Variants in TMCC1 observed in about 807,000 individuals in gnomAD.
TMCC1 encodes transmembrane and coiled-coil domains protein 1.
In TMCC1, 15 loss-of-function variants were observed where a neutral mutation model predicts 52.4. The ratio of observed to expected loss-of-function variants is 0.29; its 90% confidence interval spans 0.19 to 0.44. The LOEUF is 0.44. TMCC1 is among the 20% of genes least tolerant of loss of function. The pLI is 1.00. For synonymous variants in TMCC1, 279 were observed against 301.9 expected, an observed-to-expected ratio of 0.92 and a Z score of 0.79; for missense variants, 503 against 806.0, an observed-to-expected ratio of 0.62 and a Z score of 4.55.
chr3:129,882,923 TG>T (rs1414554017), intron 1 of TMCC1, among the ~76,000 whole-genome samples: 2 of 152,052 alleles, frequency 1.3e-5, no homozygotes, highest in Non-Finnish European at 2.9e-5. Flanking sequence ...AAAGGAGTAA[TG>T]GAGATGGATG....
chr3:129,829,734 T>C (rs1036869508), intron 3 of TMCC1, among the ~76,000 whole-genome samples: 7 of 152,196 alleles, frequency 4.6e-5, no homozygotes, highest in Admixed American at 3.9e-4. Context: ...TCTGGGAATA[T>C]GTGGACTTGC....
At chr3:129,704,468 G>C (rs2048069552) in intron 4 of TMCC1, among the ~76,000 whole-genome samples, 1 of 152,114 alleles carries the variant, frequency 6.6e-6, no homozygotes, top group Non-Finnish European at 1.5e-5. Flanking sequence ...GCCCAGGCTG[G>C]AGTGCAGTGG....
At chr3:129,653,812 T>C (rs572338936) in intron 6 of TMCC1, among the ~76,000 whole-genome samples, 1 of 152,304 alleles carries the variant, frequency 6.6e-6, no homozygotes, top group South Asian at 2.1e-4. Flanking sequence ...GACCTGATTG[T>C]ATATTCTGTA....
chr3:129,871,087 G>A (rs759677217), intron 2 of TMCC1, among the ~76,000 whole-genome samples: 3 of 151,944 alleles, frequency 2.0e-5, no homozygotes, highest in Non-Finnish European at 2.9e-5. Flanking sequence ...GCCTGGGCGC[G>A]GTGGCTCACA....
chr3:129,739,442 C>T (rs758230365), intron 4 of TMCC1, among the ~76,000 whole-genome samples: 2 of 152,158 alleles, frequency 1.3e-5, no homozygotes, highest in Non-Finnish European at 2.9e-5. Context: ...GCTGAGATTG[C>T]GTGAGCCACT....
At chr3:129,728,135 T>A (rs1206886843) in intron 4 of TMCC1, among the ~76,000 whole-genome samples, 3 of 152,214 alleles carry the variant, frequency 2.0e-5, no homozygotes, top group Non-Finnish European at 4.4e-5. Context: ...GCACACTATA[T>A]GGGACATTTA....
chr3:129,768,693 A>G (rs2054315934), intron 4 of TMCC1, among the ~76,000 whole-genome samples: 1 of 152,216 alleles, frequency 6.6e-6, no homozygotes, highest in African/African-American at 2.4e-5. Flanking sequence ...TAACACTGCT[A>G]TTTATTTAAT....
At position 129,760,454 on chromosome 3, in the gene TMCC1, C is replaced by CTGTGTGTGTGTGTGTG. The variant is rs61394124; in HGVS notation, c.576+67333_576+67348dup. On this transcript the variant is annotated intron_variant, in intron 4 of 6. Transcript: ENST00000393238. ...TGTGTGTTTTTGAGACAGTCTCGCT[C>CTGTGTGTGTGTGTGTG]TGTGTGTGTGTGTGTGTGTGTGTGT... Among the ~76,000 whole-genome samples the CTGTGTGTGTGTGTGTG allele has an allele frequency of 8.4e-4, 108 of 129,050 alleles. 1 individual carries two copies. The highest frequency in any genetic ancestry group is 1.4e-3 in the Non-Finnish European group (83 of 60,970). The allele number at this position is 129,050 out of a possible 152,430, so 84.7% of individuals were successfully genotyped here. A position where few individuals can be genotyped will look rare whatever the true frequency, so the allele number is the denominator to read the frequency against.
intron 4 of TMCC1, chr3:129,819,996 G>T (rs1233080309): frequency 6.6e-6 from 1 of 151,134 alleles, no homozygotes; most frequent in African/African-American, 2.4e-5. Flanking sequence ...GAAGGCTACG[G>T]ATTCATTTAA....
chr3:129,828,636 C>T lies in TMCC1; in HGVS notation c.-130-128G>A, dbSNP rs144004251. On this transcript the variant is annotated intron_variant, in intron 3 of 6. Transcript: ENST00000393238. The surrounding 1 kb of genome is among the most constrained non-coding windows in gnomAD (Gnocchi z 4.1). ...CAAACAAATAGGCACTATCATTAAG[C>T]AATCTTTAATCAGAAGATTAAAAGA... 369 of 386,176 alleles carry T rather than the reference C, an allele frequency of 9.6e-4. 2 individuals carry two copies. Among genetic ancestry groups the T allele is most frequent in the Admixed American group, 1.1e-3 (27 of 24,118 alleles). 23.9% of individuals were successfully genotyped at this position (386,176 alleles called of 1,614,324 possible).
chr3:129,833,495 C>T (rs555214508), intron 2 of TMCC1, among the ~76,000 whole-genome samples: 35 of 152,186 alleles, frequency 2.3e-4, no homozygotes, highest in African/African-American at 7.2e-4. Context: ...TCTTGAGCCC[C>T]GGAGCTGGAG....
intron 4 of TMCC1, among the ~76,000 whole-genome samples, chr3:129,740,400 T>G (rs2051358247): frequency 6.6e-6 from 1 of 152,156 alleles, no homozygotes. Flanking sequence ...AAGCTTAAAC[T>G]TTGTACTCGT....
intron 4 of TMCC1, among the ~76,000 whole-genome samples, chr3:129,771,685 G>C (rs1278428036): frequency 6.8e-6 from 1 of 146,290 alleles, no homozygotes; most frequent in Non-Finnish European, 1.5e-5. Context: ...TAAGGTGAGA[G>C]GATCACTTGG....
chr3:129,652,368 A>G (rs966207083), intron 6 of TMCC1, among the ~76,000 whole-genome samples: 11 of 152,234 alleles, frequency 7.2e-5, no homozygotes, highest in East Asian at 1.9e-4. Flanking sequence ...GTGGACCCCA[A>G]AGAAACCTGA....
rs1413784900 is a variant in TMCC1, at chr3:129,656,262, G to A, written c.1512-1159C>T. On this transcript the variant is annotated intron_variant, in intron 5 of 6. Transcript: ENST00000393238. ...CTAGAAAAGGGAAGAATAAACATAT[G>A]TCTAGCTTCTGGTGCCTAGAATGGA... Among the ~76,000 whole-genome samples, 4 of 152,318 alleles carry A rather than the reference G, an allele frequency of 2.6e-5. No individual in the cohort carries two copies. In the East Asian group the frequency reaches 7.7e-4, roughly 29 times the overall value.
intron 4 of TMCC1, among the ~76,000 whole-genome samples, chr3:129,690,278 T>C (rs982563175): frequency 5.3e-5 from 8 of 152,224 alleles, no homozygotes; most frequent in African/African-American, 1.9e-4. Flanking sequence ...CATAGTAATA[T>C]ATCTGATGTG....
intron 4 of TMCC1, among the ~76,000 whole-genome samples, chr3:129,675,237 C>CTT (rs2088314655): frequency 6.6e-6 from 1 of 152,196 alleles, no homozygotes; most frequent in Non-Finnish European, 1.5e-5. Flanking sequence ...ATAAGGAAGG[C>CTT]TTTTCTTAAA....
At chr3:129,875,068 A>T (rs773012719) in intron 2 of TMCC1, among the ~76,000 whole-genome samples, 11 of 152,076 alleles carry the variant, frequency 7.2e-5, no homozygotes, top group Non-Finnish European at 1.2e-4. Flanking sequence ...TAAGATGACC[A>T]ATACCAGAAG....
chr3:129,690,647 TTATCCTCTCTTACCCTACCACTGAG>T (rs1487472765), intron 4 of TMCC1, among the ~76,000 whole-genome samples: 1 of 152,164 alleles, frequency 6.6e-6, no homozygotes, highest in African/African-American at 2.4e-5. Flanking sequence ...TGAAGCTCTT[TTATCCTCTCTTACCCTACCACTGAG>T]ATCACTGAAG....
Sources: gnomAD v4.1 joint callset for allele counts (sites outside exome capture counted in the v4.1 genomes callset) on GRCh38, gnomAD v4.1.1 for gene constraint, Gnocchi (gnomAD v3.1) non-coding constraint, MANE v1.5 for transcripts, NCBI Gene and HGNC (gene_info 2026-07-23, HGNC 2026-07-21) for gene names.